TTBK2: variants seen among roughly 807,000 people sequenced by gnomAD.
TTBK2 encodes tau-tubulin kinase 2.
In TTBK2, 28 loss-of-function variants were observed where a neutral mutation model predicts 110.8. The ratio of observed to expected loss-of-function variants is 0.25; its 90% CI spans 0.19 to 0.35. The LOEUF is 0.35. Among genes scored for constraint, TTBK2 ranks in the 10% least tolerant of loss-of-function variants. The pLI, the probability that TTBK2 is intolerant of heterozygous loss-of-function variation, is 1.00. For synonymous variants in TTBK2, 532 were observed against 527.3 expected (o/e 1.01, Z -0.12); for missense variants, 1,369 against 1,500.3 (o/e 0.91, Z 1.45).
intron 3 of TTBK2, among the ~76,000 whole-genome samples, chr15:42,856,468 A>G (rs1893946921): frequency 1.3e-5 from 2 of 152,238 alleles, no homozygotes. Flanking sequence ...TGCCTTGTAT[A>G]TAAATCCTAA....
intron 1 of TTBK2, among the ~76,000 whole-genome samples, chr15:42,894,542 A>C (rs1162518108): frequency 2.0e-5 from 3 of 152,176 alleles, no homozygotes; most frequent in Admixed American, 6.6e-5. Flanking sequence ...TCTTGAGCCC[A>C]GGAGTTTGAG....
intron 3 of TTBK2, among the ~76,000 whole-genome samples, chr15:42,854,957 T>C (rs553394513): frequency 3.3e-5 from 5 of 152,332 alleles, no homozygotes; most frequent in Middle Eastern, 3.4e-3. Flanking sequence ...TATGCTATAA[T>C]TGAATATAAA....
At chr15:42,749,993 G>T (rs2061843838) in intron 14 of TTBK2, among the ~76,000 whole-genome samples, 1 of 152,194 alleles carries the variant, frequency 6.6e-6, no homozygotes, top group Non-Finnish European at 1.5e-5. Flanking sequence ...GGCTGAGGCA[G>T]GAGGATCACT....
chr15:42,881,499 T>G (rs767795002), intron 1 of TTBK2, among the ~76,000 whole-genome samples: 1 of 151,742 alleles, frequency 6.6e-6, no homozygotes, highest in Non-Finnish European at 1.5e-5. Context: ...GGAAAAATAT[T>G]CCAAAAAATA....
chr15:42,823,093 A>G (rs1311329257), intron 6 of TTBK2, among the ~76,000 whole-genome samples: 1 of 152,222 alleles, frequency 6.6e-6, no homozygotes, highest in Non-Finnish European at 1.5e-5. Context: ...CTAACAGAGA[A>G]AAAAGACTTT....
In TTBK2 at chr15:42,845,829, T is replaced by C. The variant is rs148509993; in HGVS notation, c.218-5396A>G. On this transcript the variant is annotated intron_variant, in intron 3 of 14. Transcript: ENST00000267890. ...AACCTAGATGGTCTAGCCTACTACA[T>C]GCCTAGGCCTATATGGTACAGCCTA... is the stretch of plus-strand genomic sequence containing the variant. Among the ~76,000 whole-genome samples the C allele has an allele frequency of 5.1e-3, 782 of 152,166 alleles. 4 individuals are homozygous for C. Among genetic ancestry groups the C allele is most frequent in the South Asian group, 0.017 (81 of 4,810 alleles).
intron 3 of TTBK2, among the ~76,000 whole-genome samples, chr15:42,870,855 G>A (rs28366665): frequency 1.9e-4 from 27 of 141,898 alleles, no homozygotes; most frequent in Non-Finnish European, 3.0e-4. Context: ...ACAAGACTCC[G>A]TCTCAAAAAA....
chr15:42,809,330 G>C (rs1454912376), intron 9 of TTBK2, among the ~76,000 whole-genome samples: 1 of 152,196 alleles, frequency 6.6e-6, no homozygotes, highest in Non-Finnish European at 1.5e-5. Flanking sequence ...AAAAACTTGA[G>C]AACAATAATT....
chr15:42,800,505 A>G (rs906847631), intron 9 of TTBK2, among the ~76,000 whole-genome samples: 3 of 152,222 alleles, frequency 2.0e-5, no homozygotes, highest in Non-Finnish European at 4.4e-5. Flanking sequence ...TGCAAAACCA[A>G]GAATTATTTG....
At chr15:42,847,820 C>T (rs1299509863) in intron 3 of TTBK2, among the ~76,000 whole-genome samples, 1 of 152,154 alleles carries the variant, frequency 6.6e-6, no homozygotes, top group Non-Finnish European at 1.5e-5. Flanking sequence ...TATCCTAGTT[C>T]TGTACTACGT....
chr15:42,791,119 C>T (rs1200408737), intron 10 of TTBK2, among the ~76,000 whole-genome samples: 2 of 151,970 alleles, frequency 1.3e-5, no homozygotes, highest in Non-Finnish European at 2.9e-5. Flanking sequence ...GATCTGACCT[C>T]ATGATCCGCC....
chr15:42,773,431 T>C (rs1165602311), intron 13 of TTBK2, among the ~76,000 whole-genome samples: 1 of 122,466 alleles, frequency 8.2e-6, no homozygotes, highest in Non-Finnish European at 1.7e-5. Context: ...AGTGAGACTG[T>C]GTCTCAGTAA....
chr15:42,786,548 C>A (rs1378493095), intron 10 of TTBK2, among the ~76,000 whole-genome samples: 2 of 152,140 alleles, frequency 1.3e-5, no homozygotes, highest in African/African-American at 4.8e-5. Context: ...CACTATTCTG[C>A]TTTTTTTCCA....
chr15:42,862,143 A>G (rs1446836495), intron 3 of TTBK2, among the ~76,000 whole-genome samples: 1 of 152,176 alleles, frequency 6.6e-6, no homozygotes, highest in East Asian at 1.9e-4. Flanking sequence ...TCACAGCCCA[A>G]TTCTACCAGC....
chr15:42,779,004 A>G (rs1363893841), intron 11 of TTBK2, among the ~76,000 whole-genome samples: 2 of 152,244 alleles, frequency 1.3e-5, no homozygotes, highest in African/African-American at 4.8e-5. Flanking sequence ...GCTGGGAAGG[A>G]AAGATGAAGG....
intron 6 of TTBK2, 27 bp from the exon 7 acceptor site, chr15:42,817,124 T>C (rs1372117162): frequency 6.3e-7 from 1 of 1,588,466 alleles, no homozygotes; most frequent in Non-Finnish European, 8.6e-7. Context: ...CAAAGAATAA[T>C]AAATGAGCTT....
intron 1 of TTBK2, among the ~76,000 whole-genome samples, chr15:42,885,906 A>C (rs1331610964): frequency 6.6e-6 from 1 of 152,158 alleles, no homozygotes; most frequent in East Asian, 1.9e-4. Flanking sequence ...GCTTGGCCCC[A>C]ATACAAACTC....
intron 1 of TTBK2, among the ~76,000 whole-genome samples, chr15:42,907,911 A>AC (rs1358031660): frequency 2.0e-5 from 3 of 150,508 alleles, no homozygotes; most frequent in Non-Finnish European, 4.4e-5. Flanking sequence ...TCTCTACAAA[A>AC]AAAAAAAAAA....
At chr15:42,766,446 C>CA (rs567972612) in intron 13 of TTBK2, among the ~76,000 whole-genome samples, 1,014 of 30,758 alleles carry the variant, frequency 0.033, 47 homozygotes, top group Middle Eastern at 0.08. Context: ...GAATGGAAAG[C>CA]AAAAAAAAAA....
Sources: gnomAD v4.1 joint callset for allele counts (sites outside exome capture counted in the v4.1 genomes callset) on GRCh38, gnomAD v4.1.1 for gene constraint, MANE v1.5 for transcripts, NCBI Gene and HGNC (gene_info 2026-07-23, HGNC 2026-07-21) for gene names.